Variants in DCBLD2 observed in about 807,000 individuals in gnomAD.
DCBLD2 encodes discoidin, CUB and LCCL domain-containing protein 2.
A neutral mutation model predicts 86.8 loss-of-function variants in DCBLD2; 54 were observed. The ratio of observed to expected loss-of-function variants is 0.62; its 90% CI spans 0.50 to 0.78. DCBLD2 has a LOEUF of 0.78. DCBLD2 is among the 30% of genes least tolerant of loss of function. The pLI, the probability that DCBLD2 is intolerant of heterozygous loss-of-function variation, is 0.00. For synonymous variants in DCBLD2, 354 were observed against 341.3 expected (o/e 1.04, Z -0.41); for missense variants, 908 against 954.2 (o/e 0.95, Z 0.64).
intron 12 of DCBLD2, among the ~76,000 whole-genome samples, chr3:98,810,525 C>T (rs1941920397): frequency 6.6e-6 from 1 of 152,174 alleles, no homozygotes; most frequent in African/African-American, 2.4e-5. Flanking sequence ...AACTCTGATA[C>T]TTAGTCTACT....
chr3:98,825,312 T>G lies in DCBLD2; in HGVS notation c.623+3A>C. 6.8e-7 allele frequency: 1 copy of G among 1,479,954 alleles called. No homozygotes were observed. The allele number at this position is 1,479,954 out of a possible 1,614,324, so 91.7% of individuals were successfully genotyped here. A position where few individuals can be genotyped will look rare whatever the true frequency, so the allele number is the denominator to read the frequency against. On this transcript the variant is annotated splice_donor_region_variant and intron_variant, in intron 4 of 15. Coordinates refer to ENST00000326840, the MANE Select transcript of DCBLD2 (RefSeq NM_080927.4). ...AAAAAAAAAGTCACAAATATAATCA[T>G]ACCTGAACTCAGGTTCCAAAAAATT...
At chr3:98,878,009 G>A (rs1453746650) in intron 2 of DCBLD2, among the ~76,000 whole-genome samples, 1 of 151,780 alleles carries the variant, frequency 6.6e-6, no homozygotes, top group East Asian at 1.9e-4. Flanking sequence ...GAAAGATCCT[G>A]TTTTTAGTAT....
rs970936475 is a variant in DCBLD2, at chr3:98,885,176, T to A, written c.206-3409A>T. 3.3e-5 allele frequency among the ~76,000 whole-genome samples: 5 copies of A among 152,012 alleles called. No homozygotes were observed. The South Asian group carries it at 1.0e-3, about 31-fold the overall frequency. On this transcript the variant is annotated intron_variant, in intron 1 of 15. Coordinates refer to ENST00000326840, the MANE Select transcript of DCBLD2 (RefSeq NM_080927.4). ...TCCACAAGTAACGTGCCAAGAATGTTCTAAAATATGTGATGGAGTTCAGAG... is the reference window on the plus strand; with the variant it reads ...TCCACAAGTAACGTGCCAAGAATGTACTAAAATATGTGATGGAGTTCAGAG...
intron 2 of DCBLD2, among the ~76,000 whole-genome samples, chr3:98,871,249 C>T (rs1559794852): frequency 6.6e-6 from 1 of 152,104 alleles, no homozygotes; most frequent in Non-Finnish European, 1.5e-5. Flanking sequence ...AGCTTGATTT[C>T]TCTTTTCTAA....
intron 3 of DCBLD2, among the ~76,000 whole-genome samples, chr3:98,830,877 T>G (rs1430434946): frequency 6.6e-6 from 1 of 152,214 alleles, no homozygotes; most frequent in East Asian, 1.9e-4. Context: ...GAGCATGGCA[T>G]GTTTTTCCAC....
At chr3:98,866,319 CCCA>C (rs1241518707) in intron 2 of DCBLD2, among the ~76,000 whole-genome samples, 5 of 152,172 alleles carry the variant, frequency 3.3e-5, no homozygotes, top group South Asian at 2.1e-4. Flanking sequence ...AGTTTACACT[CCCA>C]CCAACAGTGT....
Position 98,799,703 on chromosome 3 carries a change from T to C in DCBLD2, c.1997A>G (p.Tyr666Cys). 1 of 1,614,014 alleles carries C rather than the reference T, an allele frequency of 6.2e-7. No homozygotes were observed. Among genetic ancestry groups the C allele is most frequent in the Non-Finnish European group, 8.5e-7 (1 of 1,179,886 alleles). The stretch of plus-strand genomic sequence containing the variant: ...CCCCGTAATTGGGAGTGGTTCAGCA[T>C]AGGCATGATAAACTTCCTGCCCTGG... Reference protein sequence around the residue: ...NSPGQEVYHAYAEPLPITGPE... With the variant: ...NSPGQEVYHACAEPLPITGPE... Residue 666 changes from tyrosine (Y) to cysteine (C), a missense_variant, in exon 16 of 16, where the codon TAT becomes TGT. Transcript: ENST00000326840.
intron 2 of DCBLD2, among the ~76,000 whole-genome samples, chr3:98,870,379 C>A (rs1022831747): frequency 2.6e-5 from 4 of 152,032 alleles, no homozygotes; most frequent in Admixed American, 6.6e-5. Context: ...TAATGTGATG[C>A]CCCCAGATTT....
intron 10 of DCBLD2, among the ~76,000 whole-genome samples, chr3:98,811,985 CTT>C (rs1383491165): frequency 2.6e-5 from 4 of 152,082 alleles, no homozygotes; most frequent in Admixed American, 6.5e-5. Flanking sequence ...ATTATTCTTG[CTT>C]TAAATGTATT....
intron 3 of DCBLD2, among the ~76,000 whole-genome samples, chr3:98,839,153 TTC>T (rs1553727013): frequency 7.3e-5 from 8 of 109,444 alleles, no homozygotes; most frequent in African/African-American, 2.1e-4. Context: ...CCTTCTTTCT[TTC>T]TTTCTTTCTT....
At chr3:98,880,282 T>C in intron 2 of DCBLD2, among the ~76,000 whole-genome samples, 1 of 152,230 alleles carries the variant, frequency 6.6e-6, no homozygotes, top group East Asian at 1.9e-4. Flanking sequence ...GAACATAGTA[T>C]GGTATTTAAA....
Position 98,870,656 on chromosome 3 carries a change from A to AAGAGAG in DCBLD2, c.433+10878_433+10883dup, listed in dbSNP as rs71124007. 7.7e-3 allele frequency among the ~76,000 whole-genome samples: 1,035 copies of AAGAGAG among 134,234 alleles called. 30 individuals are homozygous for AAGAGAG. The highest frequency in any genetic ancestry group is 0.028 in the African/African-American group (976 of 34,848). The allele number at this position is 134,234 out of a possible 152,430, so 88.1% of individuals were successfully genotyped here. A position where few individuals can be genotyped will look rare whatever the true frequency, so the allele number is the denominator to read the frequency against. Reference sequence around the variant, plus strand: ...AAATGGAAGGAAGAAGAGATAGAGAAAGAGAGAGAGAGAGAGAGAGAGAAA... The same window carrying AAGAGAG: ...AAATGGAAGGAAGAAGAGATAGAGAAAGAGAGAGAGAGAGAGAGAGAGAGAGAGAAA... On this transcript the variant is annotated intron_variant, in intron 2 of 15. Coordinates refer to ENST00000326840, the MANE Select transcript of DCBLD2 (RefSeq NM_080927.4).
intron 1 of DCBLD2, among the ~76,000 whole-genome samples, chr3:98,883,999 A>G (rs924482983): frequency 6.6e-6 from 1 of 152,176 alleles, no homozygotes; most frequent in Admixed American, 6.5e-5. Context: ...AGGAAACTGT[A>G]CATTAATCTA....
chr3:98,891,053 T>C (rs926750385), intron 1 of DCBLD2, among the ~76,000 whole-genome samples: 3 of 152,022 alleles, frequency 2.0e-5, no homozygotes, highest in Non-Finnish European at 4.4e-5. Context: ...CCCCTGTCCT[T>C]ACAGAGTTTA....
intron 3 of DCBLD2, among the ~76,000 whole-genome samples, chr3:98,833,648 G>A (rs1416108616): frequency 6.6e-6 from 1 of 152,224 alleles, no homozygotes; most frequent in Non-Finnish European, 1.5e-5. Context: ...AGGTCAGGCA[G>A]CCCTGTCCAG....
At chr3:98,822,074 C>A (rs1221681254) in intron 6 of DCBLD2, 154 bp downstream of exon 6, 2 of 944,112 alleles carry the variant, frequency 2.1e-6, no homozygotes, top group African/African-American at 1.6e-5. Flanking sequence ...AAAACAGACA[C>A]TGAGCACACT....
intron 3 of DCBLD2, among the ~76,000 whole-genome samples, chr3:98,846,410 C>T (rs987504064): frequency 2.0e-5 from 3 of 152,208 alleles, no homozygotes; most frequent in Admixed American, 6.5e-5. Flanking sequence ...AGGACCTCAA[C>T]CAAAGCCAAG....
Position 98,808,115 on chromosome 3 carries a change from G to A in DCBLD2, c.1636C>T (p.Leu546Phe). The A allele has an allele frequency of 6.2e-7, 1 of 1,606,936 alleles. No homozygotes were observed. Among genetic ancestry groups the A allele is most frequent in the Non-Finnish European group, 8.5e-7 (1 of 1,176,882 alleles). The change falls in exon 13 of 16, where the codon CTC becomes TTC. Residue 546 changes from leucine (L) to phenylalanine (F), a missense_variant. Leu to Phe is a conservative substitution (Grantham distance 22). Transcript: ENST00000326840. ...VLVMVLTTLI[L>F]ILVCAWHWRN... Reference sequence around the variant, plus strand: ...CAGTGCCAAGCACACACTAATATGAGAATGAGAGTAGTGAGGACCATGACC... The same window carrying A: ...CAGTGCCAAGCACACACTAATATGAAAATGAGAGTAGTGAGGACCATGACC...
chr3:98,880,820 T>C (rs1225399344), intron 2 of DCBLD2, among the ~76,000 whole-genome samples: 1 of 152,230 alleles, frequency 6.6e-6, no homozygotes, highest in Non-Finnish European at 1.5e-5. Context: ...ATGAGAGTTA[T>C]GCTTTAATCC....
Sources: allele counts gnomAD v4.1 joint callset (sites outside exome capture counted in the v4.1 genomes callset), GRCh38; gene constraint gnomAD v4.1.1; transcripts MANE v1.5; gene names NCBI Gene and HGNC (gene_info 2026-07-23, HGNC 2026-07-21).